The following ADK variants were observed in gnomAD, a reference collection of about 807,000 sequenced individuals.
The protein encoded by ADK is adenosine kinase, also known as N6,N6-dimethyladenosine kinase.
In ADK, 24 loss-of-function variants were observed where a neutral mutation model predicts 44.7. The observed-to-expected ratio is 0.54, with a 90% CI of 0.39 to 0.76. ADK has a LOEUF of 0.76. ADK is among the 30% of genes least tolerant of loss of function. The pLI, the probability that ADK is intolerant of heterozygous loss-of-function variation, is 0.00. For missense variants in ADK, 321 were observed against 425.1 expected (o/e 0.76, Z 2.15); for synonymous variants, 128 against 142.6 (o/e 0.90, Z 0.73).
At chr10:74,678,370 A>G (rs547630159) in intron 10 of ADK, among the ~76,000 whole-genome samples, 11 of 152,286 alleles carry the variant, frequency 7.2e-5, no homozygotes, top group Middle Eastern at 3.4e-3. Flanking sequence ...AAAAAAATGT[A>G]AAGATTATCC....
chr10:74,398,773 A>G (rs554988754), intron 6 of ADK, among the ~76,000 whole-genome samples, 194 bp downstream of exon 6: 5 of 152,210 alleles, frequency 3.3e-5, no homozygotes, highest in African/African-American at 9.6e-5. Flanking sequence ...CATAATTTGT[A>G]TTATTTATCT....
intron 3 of ADK, among the ~76,000 whole-genome samples, chr10:74,248,580 T>A (rs1437090334): frequency 6.6e-6 from 1 of 152,180 alleles, no homozygotes; most frequent in Non-Finnish European, 1.5e-5. Context: ...GGTCTTGATC[T>A]ACTGACCTCA....
At chr10:74,370,463 A>G (rs1842623817) in intron 4 of ADK, among the ~76,000 whole-genome samples, 1 of 152,184 alleles carries the variant, frequency 6.6e-6, no homozygotes, top group South Asian at 2.1e-4. Flanking sequence ...AATTATTGTT[A>G]TTAGGAAATC....
intron 4 of ADK, among the ~76,000 whole-genome samples, chr10:74,354,983 A>G (rs188091363): frequency 2.6e-5 from 4 of 152,292 alleles, no homozygotes; most frequent in African/African-American, 9.6e-5. Context: ...CTTCATTACA[A>G]ATATTCATTC....
At chr10:74,614,757 A>G (rs1049331729) in intron 9 of ADK, among the ~76,000 whole-genome samples, 4 of 151,210 alleles carry the variant, frequency 2.6e-5, no homozygotes, top group African/African-American at 7.3e-5. Context: ...ATAATCAACT[A>G]TTTCTCCAAG....
At chr10:74,605,411 A>G (rs138108218) in intron 9 of ADK, among the ~76,000 whole-genome samples, 1 of 152,290 alleles carries the variant, frequency 6.6e-6, no homozygotes, top group African/African-American at 2.4e-5. Context: ...ATTTTAAGAT[A>G]TGTTCCATCA....
At chr10:74,228,703 T>C (rs1844639637) in intron 3 of ADK, among the ~76,000 whole-genome samples, 1 of 152,208 alleles carries the variant, frequency 6.6e-6, no homozygotes, top group Non-Finnish European at 1.5e-5. Flanking sequence ...AACCATTTTG[T>C]TTCCATGAAT....
chr10:74,222,438 T>C (rs938500197), intron 2 of ADK, among the ~76,000 whole-genome samples: 20 of 151,692 alleles, frequency 1.3e-4, no homozygotes, highest in Non-Finnish European at 4.4e-5. Flanking sequence ...TCAACCATTG[T>C]GGAAGTCAGT....
chr10:74,322,437 G>C (rs1352007908), intron 4 of ADK, among the ~76,000 whole-genome samples: 1 of 152,068 alleles, frequency 6.6e-6, no homozygotes, highest in South Asian at 2.1e-4. Flanking sequence ...AGTAACACAG[G>C]CCCTACGAAT....
rs1446979764 is a variant in ADK, at chr10:74,179,183, T to A, written c.66-21581T>A. ...GTGAAGTGACTCTGTATGGTGATAG[T>A]TTTGAATGAGTTGGTCATCCTACAG... On this transcript the variant is annotated intron_variant, in intron 1 of 10. Transcript: ENST00000539909. Among the ~76,000 whole-genome samples the A allele has an allele frequency of 2.6e-5, 4 of 152,218 alleles. No homozygotes were observed. The East Asian group carries it at 7.7e-4, about 29-fold the overall frequency.
intron 4 of ADK, among the ~76,000 whole-genome samples, chr10:74,334,026 A>G (rs918222706): frequency 1.2e-4 from 18 of 152,218 alleles, no homozygotes; most frequent in East Asian, 3.8e-4. Context: ...TATAATTTAT[A>G]TACAAAAAAG....
At chr10:74,555,724 T>A (rs917880967) in intron 7 of ADK, among the ~76,000 whole-genome samples, 4 of 152,070 alleles carry the variant, frequency 2.6e-5, no homozygotes, top group African/African-American at 9.7e-5. Flanking sequence ...CTAAAAGTAA[T>A]CAAGGATGAT....
intron 10 of ADK, among the ~76,000 whole-genome samples, chr10:74,689,755 T>G (rs1463081635): frequency 6.6e-6 from 1 of 152,208 alleles, no homozygotes; most frequent in African/African-American, 2.4e-5. Flanking sequence ...CCTGTTTCAT[T>G]TTCCACAGCT....
chr10:74,227,804 C>T (rs1844600442), intron 3 of ADK, among the ~76,000 whole-genome samples: 1 of 152,064 alleles, frequency 6.6e-6, no homozygotes, highest in Non-Finnish European at 1.5e-5. Context: ...GATCACGCTA[C>T]TGCACTCCAG....
At chr10:74,628,596 A>C (rs1853301704) in intron 9 of ADK, among the ~76,000 whole-genome samples, 1 of 151,922 alleles carries the variant, frequency 6.6e-6, no homozygotes, top group Admixed American at 6.5e-5. Context: ...ACCACTATGC[A>C]TCCTTTTTGG....
At chr10:74,489,878 T>G (rs1160341352) in intron 6 of ADK, among the ~76,000 whole-genome samples, 2 of 152,014 alleles carry the variant, frequency 1.3e-5, no homozygotes, top group South Asian at 2.1e-4. Flanking sequence ...AGAAAAAAAC[T>G]TGTGTAAGTA....
chr10:74,589,226 ATTTC>A, intron 7 of ADK, 52 bp from the exon 8 acceptor site: 2 of 1,529,738 alleles, frequency 1.3e-6, no homozygotes, highest in Non-Finnish European at 9.0e-7. Flanking sequence ...AAAATGGATT[ATTTC>A]TTCATTACCG....
chr10:74,510,679 A>C lies in ADK; in HGVS notation c.556-14577A>C, dbSNP rs548359810. On this transcript the variant is annotated intron_variant, in intron 6 of 10. Coordinates refer to ENST00000539909, the MANE Select transcript of ADK (RefSeq NM_006721.4). ...CATTTCACCTGTGTTTTCTTCTAGG[A>C]GGGTTATCCTTTTAGGTCATATATT... Among the ~76,000 whole-genome samples the C allele has an allele frequency of 1.1e-3, 169 of 152,124 alleles. 1 individual carries two copies. Among genetic ancestry groups the C allele is most frequent in the African/African-American group, 3.8e-3 (159 of 41,522 alleles).
chr10:74,258,947 G>GTTTTTTTTTTTT (rs141424052), intron 3 of ADK, among the ~76,000 whole-genome samples: 24 of 96,122 alleles, frequency 2.5e-4, no homozygotes, highest in East Asian at 1.1e-3. Context: ...TTGTTTTTGT[G>GTTTTTTTTTTTT]TTTTTTTTTT....
Sources: allele counts gnomAD v4.1 joint callset (sites outside exome capture counted in the v4.1 genomes callset), GRCh38; gene constraint gnomAD v4.1.1; transcripts MANE v1.5; gene names NCBI Gene and HGNC (gene_info 2026-07-23, HGNC 2026-07-21).